Variants in SIRT5 observed in about 807,000 individuals in gnomAD.
SIRT5 encodes the protein sirtuin 5, also known as NAD-dependent protein deacylase sirtuin-5, mitochondrial.
Under a neutral mutation model 40.0 loss-of-function variants are expected in SIRT5, and 26 were observed. That is an observed-to-expected ratio of 0.65 (90% CI 0.48 to 0.90). SIRT5 has a LOEUF of 0.90. SIRT5 is among the 40% of genes least tolerant of loss of function. The pLI is 0.00. For missense variants in SIRT5, 401 were observed against 402.4 expected, an observed-to-expected ratio of 1.00 and a Z score of 0.03; for synonymous variants, 146 against 149.1, an observed-to-expected ratio of 0.98 and a Z score of 0.15.
At chr6:13,576,574 C>T (rs1489073687) in intron 1 of SIRT5, among the ~76,000 whole-genome samples, 2 of 152,154 alleles carry the variant, frequency 1.3e-5, no homozygotes, top group Non-Finnish European at 2.9e-5. Flanking sequence ...TTATCAGATG[C>T]ATGGTTTGCA....
intron 4 of SIRT5, 85 bp downstream of exon 4, chr6:13,588,549 A>C (rs1396873396): frequency 6.9e-7 from 1 of 1,447,904 alleles, no homozygotes; most frequent in Non-Finnish European, 9.2e-7. Flanking sequence ...CGATCCCCGA[A>C]ACCCCAGGGA....
Position 13,607,225 on chromosome 6 carries a change from C to G in SIRT5, c.858-4565C>G, listed in dbSNP as rs910912985. 1.3e-5 allele frequency among the ~76,000 whole-genome samples: 2 copies of G among 151,996 alleles called. No homozygotes were observed. Among genetic ancestry groups the G allele is most frequent in the African/African-American group, 4.8e-5 (2 of 41,368 alleles). On this transcript the variant is annotated intron_variant, in intron 9 of 9. Transcript: ENST00000606117. The surrounding 1 kb of genome is among the most constrained non-coding windows in gnomAD (Gnocchi z 4.0). ...TTCTAGGGGGAAGATGCCTGTTTAT[C>G]TGTGTAGTTAGCAAATGACCCAGGT...
intron 9 of SIRT5, among the ~76,000 whole-genome samples, chr6:13,609,085 G>A (rs1584877482): frequency 6.6e-6 from 1 of 152,226 alleles, no homozygotes; most frequent in East Asian, 1.9e-4. Flanking sequence ...GTCTCCCAAA[G>A]TGCTGGAATT....
intron 2 of SIRT5, among the ~76,000 whole-genome samples, chr6:13,582,733 ATGT>A (rs1759515142): frequency 1.3e-5 from 2 of 151,928 alleles, no homozygotes. Flanking sequence ...ATTGTTCCAA[ATGT>A]TGTCTTTCTC....
At chr6:13,580,083 G>C (rs963022093) in intron 2 of SIRT5, among the ~76,000 whole-genome samples, 1 of 152,150 alleles carries the variant, frequency 6.6e-6, no homozygotes, top group African/African-American at 2.4e-5. Flanking sequence ...TGGCTGCTGG[G>C]GCCCATGAGT....
intron 1 of SIRT5, among the ~76,000 whole-genome samples, chr6:13,576,222 G>A (rs976998879): frequency 1.3e-5 from 2 of 152,168 alleles, no homozygotes; most frequent in African/African-American, 4.8e-5. Flanking sequence ...ATTTTGAGGA[G>A]CCTCCATACT....
At position 13,583,359 on chromosome 6, in the gene SIRT5, A is replaced by G. The variant is rs181604939; in HGVS notation, c.-35-717A>G. On this transcript the variant is annotated intron_variant, in intron 2 of 9. Coordinates refer to ENST00000606117, the MANE Select transcript of SIRT5 (RefSeq NM_012241.5). ...GCCCACGCTGGAGTGCAATGGTACA[A>G]TCTCGGCTCACTGCAACCTCTGCCT... Among the ~76,000 whole-genome samples, 40 of 145,234 alleles carry G rather than the reference A, an allele frequency of 2.8e-4. 1 individual carries two copies. The highest frequency in any genetic ancestry group is 1.0e-3 in the East Asian group (5 of 4,988).
chr6:13,598,941 G>A lies in SIRT5; in HGVS notation c.618-91G>A. 3 of 1,509,418 alleles carry A rather than the reference G, an allele frequency of 2.0e-6. No individual in the cohort carries two copies. In the South Asian group the frequency reaches 3.8e-5, roughly 19 times the overall value. 93.5% of individuals were successfully genotyped at this position (1,509,418 alleles called of 1,614,324 possible). The stretch of plus-strand genomic sequence containing the variant: ...AGAGGCATCAGAGGTGACCCATCTG[G>A]ATGTACTAGGTTTGGGGCAGCCCCT... On this transcript the variant is annotated intron_variant, in intron 7 of 9. Transcript: ENST00000606117.
rs570429227 is a variant in SIRT5 at position 13,613,693 on chromosome 6, T to A, written c.*1828T>A. The A allele has an allele frequency of 4.6e-5, 7 of 152,392 alleles. No homozygotes were observed. The highest frequency in any genetic ancestry group is 8.8e-5 in the Non-Finnish European group (6 of 68,058). The allele number at this position is 152,392 out of a possible 1,614,324, so 9.4% of individuals were successfully genotyped here. A position where few individuals can be genotyped will look rare whatever the true frequency, so the allele number is the denominator to read the frequency against. ...CCAGTCAGGGACCCTGAGGGCTCGA[T>A]GTACACTTTACATGGGTGGGCCAAG... On this transcript the variant is annotated 3_prime_UTR_variant, in exon 10 of 10. Coordinates refer to ENST00000606117, the MANE Select transcript of SIRT5 (RefSeq NM_012241.5).
At chr6:13,608,487 G>A (rs1164504452) in intron 9 of SIRT5, among the ~76,000 whole-genome samples, 4 of 152,036 alleles carry the variant, frequency 2.6e-5, no homozygotes, top group African/African-American at 9.7e-5. Flanking sequence ...TTGGGAGGCT[G>A]AGGTGGGAGA....
chr6:13,579,426 G>A (rs1173324107), intron 1 of SIRT5, 25 bp from the exon 2 acceptor site: 1 of 151,984 alleles, frequency 6.6e-6, no homozygotes, highest in Non-Finnish European at 1.5e-5. Context: ...AGTTTATTCA[G>A]TAGTTTTTTT....
Position 13,600,834 on chromosome 6 carries a change from G to A in SIRT5, c.742G>A (p.Val248Met). The A allele has an allele frequency of 1.1e-5, 17 of 1,609,996 alleles. No individual in the cohort carries two copies. The highest frequency in any genetic ancestry group is 1.4e-5 in the Non-Finnish European group (17 of 1,177,570). Residue 248 changes from valine (V) to methionine (M), a missense_variant and splice_region_variant, in exon 9 of 10, where the codon GTG becomes ATG. Coordinates refer to ENST00000606117, the MANE Select transcript of SIRT5 (RefSeq NM_012241.5). ...TCATCTCCGTGTACTTGCCTTGTAG[G>A]TGGGCACTTCCTCTGTGGTGTACCC... ...ELAHCDLCLV[V>M]GTSSVVYPAA...
chr6:13,605,311 A>G (rs200803963), intron 9 of SIRT5: 15 of 841,290 alleles, frequency 1.8e-5, no homozygotes, highest in Non-Finnish European at 2.0e-5. Flanking sequence ...AGAGGTGAAT[A>G]GTTGCAACAG....
chr6:13,590,784 G>T (rs147327542), intron 4 of SIRT5, among the ~76,000 whole-genome samples: 2 of 151,108 alleles, frequency 1.3e-5, no homozygotes, highest in African/African-American at 4.9e-5. Flanking sequence ...TATATGTTTA[G>T]TTGTGTGTAT....
chr6:13,603,727 C>T (rs963643037), intron 9 of SIRT5, among the ~76,000 whole-genome samples: 8 of 152,096 alleles, frequency 5.3e-5, no homozygotes, highest in African/African-American at 1.4e-4. Context: ...TGAAATCATA[C>T]ATCTACACAA....
intron 8 of SIRT5, 52 bp from the exon 9 acceptor site, chr6:13,600,782 C>T: frequency 7.2e-7 from 1 of 1,389,620 alleles, no homozygotes; most frequent in Non-Finnish European, 1.0e-6. Context: ...AAATAATGTT[C>T]CTTCTCCTTG....
At chr6:13,595,903 G>C (rs551887182) in intron 6 of SIRT5, among the ~76,000 whole-genome samples, 110 of 152,162 alleles carry the variant, frequency 7.2e-4, no homozygotes, top group African/African-American at 2.6e-3. Context: ...GAGGTGGGAG[G>C]GTTATTTGAG....
At chr6:13,576,840 A>G (rs936509126) in intron 1 of SIRT5, among the ~76,000 whole-genome samples, 4 of 152,202 alleles carry the variant, frequency 2.6e-5, no homozygotes, top group Non-Finnish European at 4.4e-5. Flanking sequence ...GGTGTGAGAT[A>G]AGGACTCAAT....
At chr6:13,599,200 T>G in intron 8 of SIRT5, 45 bp downstream of exon 8, 1 of 1,572,934 alleles carries the variant, frequency 6.4e-7, no homozygotes, top group Non-Finnish European at 8.7e-7. Flanking sequence ...CTGGAGTTTG[T>G]TATTTTTTCC....
Sources: gnomAD v4.1 joint callset for allele counts (sites outside exome capture counted in the v4.1 genomes callset) on GRCh38, gnomAD v4.1.1 for gene constraint, Gnocchi (gnomAD v3.1) non-coding constraint, MANE v1.5 for transcripts, NCBI Gene and HGNC (gene_info 2026-07-23, HGNC 2026-07-21) for gene names.